The following PAM variants were observed in gnomAD, a reference collection of about 807,000 sequenced individuals.
The protein encoded by PAM is peptidylglycine alpha-amidating monooxygenase.
A neutral mutation model predicts 122.1 loss-of-function variants in PAM; 72 were observed. The observed-to-expected ratio is 0.59, with a 90% CI of 0.49 to 0.72. The LOEUF (loss-of-function observed/expected upper bound fraction) is 0.72, where lower values mean the gene tolerates loss of function less well. Among genes scored for constraint, PAM ranks in the 30% least tolerant of loss-of-function variants. The pLI is 0.00. For missense variants in PAM, 1,106 were observed against 1,183.7 expected (o/e 0.93, Z 0.96); for synonymous variants, 389 against 404.4 (o/e 0.96, Z 0.46).
intron 1 of PAM, chr5:102,807,936 C>T (rs1413338136): frequency 6.6e-6 from 1 of 152,162 alleles, no homozygotes; most frequent in East Asian, 1.9e-4. Context: ...TTCATCGAGT[C>T]CTCTTGCTCT....
Position 103,005,286 on chromosome 5 carries a change from C to T in PAM, c.1803+60C>T. On this transcript the variant is annotated intron_variant, in intron 18 of 25. Transcript: ENST00000438793. The stretch of plus-strand genomic sequence containing the variant: ...CTAACAGAGTTATGCTTTTGAAGAG[C>T]TCTGGAGTTGTATGGGTTTTTTGTT... 6.7e-6 allele frequency: 6 copies of T among 899,252 alleles called. No homozygotes were observed. The South Asian group carries it at 8.0e-5, about 12-fold the overall frequency. 55.7% of individuals were successfully genotyped at this position (899,252 alleles called of 1,614,324 possible). A position where few individuals can be genotyped will look rare whatever the true frequency, so the allele number is the denominator to read the frequency against.
intron 1 of PAM, among the ~76,000 whole-genome samples, chr5:102,836,360 G>A (rs1420533669): frequency 6.6e-6 from 1 of 152,128 alleles, no homozygotes; most frequent in Non-Finnish European, 1.5e-5. Flanking sequence ...TGTAGAATAT[G>A]TGGTAGGCAT....
intron 16 of PAM, among the ~76,000 whole-genome samples, chr5:102,998,046 C>T (rs945330812): frequency 7.9e-5 from 12 of 152,164 alleles, no homozygotes; most frequent in African/African-American, 1.9e-4. Context: ...CTATAGTTTA[C>T]ACTTTGAAAT....
Position 102,766,926 on chromosome 5 carries a change from ATT to A in PAM, c.-374+11608_-374+11609del. Among the ~76,000 whole-genome samples, 57 of 25,836 alleles carry A rather than the reference ATT, an allele frequency of 2.2e-3. 4 individuals are homozygous for A. The highest frequency in any genetic ancestry group is 5.0e-3 in the African/African-American group (37 of 7,358). The allele number at this position is 25,836 out of a possible 152,430, so 16.9% of individuals were successfully genotyped here. A position where few individuals can be genotyped will look rare whatever the true frequency, so the allele number is the denominator to read the frequency against. On this transcript the variant is annotated intron_variant, in intron 1 of 25. Coordinates refer to ENST00000438793, the MANE Select transcript of PAM (RefSeq NM_001177306.2). Reference sequence around the variant, plus strand: ...ATTTATTTTATTGCTTCAGTTGTGGATTTTTTTTTTTTTTTTTTTTTTTTTTT... The same window carrying A: ...ATTTATTTTATTGCTTCAGTTGTGGATTTTTTTTTTTTTTTTTTTTTTTTT...
At chr5:103,018,451 A>G (rs1782635376) in intron 22 of PAM, among the ~76,000 whole-genome samples, 1 of 152,220 alleles carries the variant, frequency 6.6e-6, no homozygotes, top group African/African-American at 2.4e-5. Flanking sequence ...TCCTTTGGAT[A>G]ACGTTTGCAG....
intron 3 of PAM, among the ~76,000 whole-genome samples, chr5:102,900,098 G>A (rs1255114418): frequency 6.6e-6 from 1 of 151,456 alleles, no homozygotes; most frequent in East Asian, 2.0e-4. Flanking sequence ...TGCTCTAAGA[G>A]AGGGTTTATG....
intron 23 of PAM, 92 bp downstream of exon 23, chr5:103,019,935 G>C: frequency 1.2e-6 from 1 of 815,592 alleles, no homozygotes. Context: ...AAATTACCAG[G>C]CTAAAAATAT....
chr5:102,852,238 G>A (rs1223332901), intron 1 of PAM, among the ~76,000 whole-genome samples: 1 of 151,980 alleles, frequency 6.6e-6, no homozygotes, highest in African/African-American at 2.4e-5. Context: ...ATATACCTCT[G>A]GACTGATTAT....
chr5:102,810,394 T>C (rs1245340635), intron 1 of PAM, among the ~76,000 whole-genome samples: 1 of 152,238 alleles, frequency 6.6e-6, no homozygotes, highest in Non-Finnish European at 1.5e-5. Context: ...TTTATTTTTA[T>C]GCTCTAATAA....
intron 22 of PAM, among the ~76,000 whole-genome samples, chr5:103,018,844 C>T (rs1389487177): frequency 6.6e-6 from 1 of 152,142 alleles, no homozygotes; most frequent in Non-Finnish European, 1.5e-5. Flanking sequence ...TCATGGAAGA[C>T]AATTTTTCCA....
chr5:102,895,905 T>C (rs1194649618), intron 3 of PAM: 1 of 151,754 alleles, frequency 6.6e-6, no homozygotes, highest in Admixed American at 6.6e-5. Flanking sequence ...GATTGACTGA[T>C]TCCGTATTCA....
At chr5:102,840,259 C>G (rs753880567) in intron 1 of PAM, among the ~76,000 whole-genome samples, 1 of 151,966 alleles carries the variant, frequency 6.6e-6, no homozygotes, top group Non-Finnish European at 1.5e-5. Context: ...TGTTTATGAT[C>G]GTATAATCTT....
chr5:102,849,279 G>A (rs756494718), intron 1 of PAM, among the ~76,000 whole-genome samples: 7 of 152,094 alleles, frequency 4.6e-5, no homozygotes, highest in African/African-American at 1.2e-4. Flanking sequence ...AAAGGTGGCC[G>A]GACGCGGTGC....
intron 1 of PAM, among the ~76,000 whole-genome samples, chr5:102,863,704 TTAAA>T (rs1229730136): frequency 6.6e-6 from 1 of 150,980 alleles, no homozygotes; most frequent in African/African-American, 2.4e-5. Flanking sequence ...TTTTTAAATC[TTAAA>T]TAAGAATACT....
intron 1 of PAM, among the ~76,000 whole-genome samples, chr5:102,783,013 A>T (rs565054982): frequency 6.6e-6 from 1 of 151,370 alleles, no homozygotes; most frequent in South Asian, 2.1e-4. Flanking sequence ...ATTGTATGTC[A>T]GGGTGTATTT....
intron 1 of PAM, among the ~76,000 whole-genome samples, chr5:102,766,256 A>G (rs1427321692): frequency 6.6e-6 from 1 of 152,194 alleles, no homozygotes; most frequent in Admixed American, 6.5e-5. Flanking sequence ...TGTAATATAT[A>G]ATGAAATAAT....
At chr5:102,826,673 C>A (rs1424810672) in intron 1 of PAM, among the ~76,000 whole-genome samples, 2 of 152,096 alleles carry the variant, frequency 1.3e-5, no homozygotes, top group Admixed American at 1.3e-4. Context: ...TAACTGCAAT[C>A]CTTAAGGATA....
chr5:102,981,372 A>G (rs1769771946), intron 15 of PAM, among the ~76,000 whole-genome samples: 1 of 152,204 alleles, frequency 6.6e-6, no homozygotes, highest in South Asian at 2.1e-4. Context: ...AGAAGCCATT[A>G]TATGTGTTTA....
intron 1 of PAM, among the ~76,000 whole-genome samples, chr5:102,781,943 A>T (rs1318727335): frequency 6.6e-6 from 1 of 152,226 alleles, no homozygotes; most frequent in Non-Finnish European, 1.5e-5. Flanking sequence ...AACTTAAAAA[A>T]GCTTGCCCAA....
Sources: allele counts gnomAD v4.1 joint callset (sites outside exome capture counted in the v4.1 genomes callset), GRCh38; gene constraint gnomAD v4.1.1; transcripts MANE v1.5; gene names NCBI Gene and HGNC (gene_info 2026-07-23, HGNC 2026-07-21).